The following NUP210 variants were observed in gnomAD, a reference collection of about 807,000 sequenced individuals.
NUP210 encodes nuclear pore membrane glycoprotein 210.
NUP210 carries 151 observed loss-of-function variants against 196.0 expected under a neutral mutation model. The ratio of observed to expected loss-of-function variants is 0.77; its 90% CI spans 0.67 to 0.88. NUP210 has a LOEUF of 0.88. Ranked by LOEUF, NUP210 falls within the 40% of genes least tolerant of loss-of-function variation. The pLI is 0.00. For missense variants in NUP210, 2,314 were observed against 2,493.7 expected (o/e 0.93, Z 1.53); for synonymous variants, 1,070 against 1,052.7 (o/e 1.02, Z -0.32).
intron 11 of NUP210, among the ~76,000 whole-genome samples, chr3:13,375,142 CTT>C (rs76945178): frequency 1.4e-5 from 2 of 138,436 alleles, no homozygotes; most frequent in Admixed American, 7.3e-5. Context: ...TATTTTTTCT[CTT>C]TTTTTTTTTT....
chr3:13,396,302 G>T (rs1699651920), intron 3 of NUP210, among the ~76,000 whole-genome samples: 1 of 152,130 alleles, frequency 6.6e-6, no homozygotes, highest in South Asian at 2.1e-4. Flanking sequence ...TCCTGATCCA[G>T]AAATTTTTTT....
At chr3:13,358,119 G>T in intron 16 of NUP210, 103 bp downstream of exon 16, 2 of 1,031,660 alleles carry the variant, frequency 1.9e-6, no homozygotes, top group Non-Finnish European at 1.4e-6. Context: ...GCAGCGTGGA[G>T]CTATGTCCGT....
chr3:13,373,748 C>T lies in NUP210; in HGVS notation c.1557G>A (p.Val519=), dbSNP rs1309553499. ...IGFSVIQAHD[V]QNPLHFGEMK... ...TCTCACCGAAATGGAGTGGGTTCTG[C>T]ACATCATGTGCCTGGATCACACTGA... Residue 519 remains valine (V), a synonymous_variant, in exon 12 of 40, where the codon GTG becomes GTA. Coordinates refer to ENST00000254508, the MANE Select transcript of NUP210 (RefSeq NM_024923.4). 1 of 1,614,060 alleles carries T rather than the reference C, an allele frequency of 6.2e-7. No individual in the cohort carries two copies. The highest frequency in any genetic ancestry group is 1.3e-5 in the African/African-American group (1 of 74,922).
intron 39 of NUP210, 151 bp from the exon 40 acceptor site, chr3:13,317,932 C>T (rs1696339568): frequency 4.9e-6 from 3 of 612,842 alleles, no homozygotes; most frequent in South Asian, 3.9e-5. Context: ...GGGAAGTCCA[C>T]GGGCACCTGC....
chr3:13,365,828 G>C (rs921071722), intron 14 of NUP210, 118 bp downstream of exon 14: 5 of 1,143,974 alleles, frequency 4.4e-6, no homozygotes, highest in Non-Finnish European at 1.3e-6. Flanking sequence ...AGGAAGCTGT[G>C]CCAAAAGCTA....
chr3:13,336,993 C>T, intron 26 of NUP210, 75 bp from the exon 27 acceptor site: 2 of 1,583,518 alleles, frequency 1.3e-6, no homozygotes, highest in Non-Finnish European at 1.7e-6. Flanking sequence ...TTGCTGCCTC[C>T]TTCAAGCAGT....
At chr3:13,373,079 G>GCCC (rs1698786100) in intron 12 of NUP210, among the ~76,000 whole-genome samples, 1 of 152,182 alleles carries the variant, frequency 6.6e-6, no homozygotes, top group Non-Finnish European at 1.5e-5. Flanking sequence ...TACTGTAAGA[G>GCCC]CAGGCTGCAG....
At chr3:13,390,721 C>T (rs928939479) in intron 4 of NUP210, among the ~76,000 whole-genome samples, 6 of 152,354 alleles carry the variant, frequency 3.9e-5, no homozygotes, top group Non-Finnish European at 7.3e-5. Flanking sequence ...TGCGCAAGCT[C>T]ATGTGGCTGC....
rs1559309786 is a variant in NUP210, at chr3:13,330,459, C to A, written c.4110+1G>T. 1 of 1,613,810 alleles carries A rather than the reference C, an allele frequency of 6.2e-7. No homozygotes were observed. The highest frequency in any genetic ancestry group is 1.7e-5 in the Admixed American group (1 of 59,992). Reference sequence around the variant, plus strand: ...CAAAAAGGAGGAGAATGCAACCCTACCTTTACAGCAACAATGATGGTTTGG... The same window carrying A: ...CAAAAAGGAGGAGAATGCAACCCTAACTTTACAGCAACAATGATGGTTTGG... On this transcript the variant is annotated splice_donor_variant, in intron 30 of 39. Coordinates refer to ENST00000254508, the MANE Select transcript of NUP210 (RefSeq NM_024923.4). LOFTEE classifies it high-confidence loss of function.
intron 6 of NUP210, among the ~76,000 whole-genome samples, chr3:13,381,373 G>T (rs1699091858): frequency 6.6e-6 from 1 of 151,172 alleles, no homozygotes; most frequent in Non-Finnish European, 1.5e-5. Context: ...GGAGGATTTT[G>T]TGACAGACTC....
At chr3:13,335,263 A>G (rs947080981) in intron 28 of NUP210, among the ~76,000 whole-genome samples, 191 bp downstream of exon 28, 2 of 151,758 alleles carry the variant, frequency 1.3e-5, no homozygotes, top group African/African-American at 4.8e-5. Context: ...GCTTGGCCCC[A>G]CCTCTGGGCT....
At chr3:13,366,516 CTTTTTTT>C (rs58529748) in intron 13 of NUP210, among the ~76,000 whole-genome samples, 1 of 110,854 alleles carries the variant, frequency 9.0e-6, no homozygotes, top group Non-Finnish European at 1.8e-5. Flanking sequence ...TGATTTCTTT[CTTTTTTT>C]TTTTTTTTTT....
chr3:13,371,844 C>A lies in NUP210; in HGVS notation c.1776G>T (p.Gln592His). 3 of 1,606,728 alleles carry A rather than the reference C, an allele frequency of 1.9e-6. No homozygotes were observed. Among genetic ancestry groups the A allele is most frequent in the Non-Finnish European group, 8.5e-7 (1 of 1,177,234 alleles). ...GCAGCGCTGGTTTACCTGGGAGTGG[C>A]TGGAACACACCCTGGTTCTCCACCT... ...AVEVENQGVF[Q>H]PLPGRLPPGS... The change falls in exon 13 of 40, where the codon CAG becomes CAT. Residue 592 changes from glutamine (Q) to histidine (H), a missense_variant. Transcript: ENST00000254508.
At chr3:13,415,782 G>A (rs1441414385) in intron 1 of NUP210, among the ~76,000 whole-genome samples, 1 of 152,172 alleles carries the variant, frequency 6.6e-6, no homozygotes, top group East Asian at 1.9e-4. Context: ...CCGTCCCAGA[G>A]GCTCAGGGTC....
chr3:13,386,354 G>A lies in NUP210; in HGVS notation c.738C>T (p.Asn246=). Residue 246 remains asparagine (N), a synonymous_variant, in exon 6 of 40, where the codon AAC becomes AAT. Coordinates refer to ENST00000254508, the MANE Select transcript of NUP210 (RefSeq NM_024923.4). ...CCATCAGGTAGACGTCATAGGCCGG[G>A]TTCAGAAGGATGTTTTCCAAAATCA... ...RLLILENILL[N]PAYDVYLMVG... 3.1e-6 allele frequency: 5 copies of A among 1,614,182 alleles called. No homozygotes were observed. The highest frequency in any genetic ancestry group is 4.2e-6 in the Non-Finnish European group (5 of 1,180,034).
chr3:13,324,593 G>A (rs1308254750), intron 33 of NUP210, among the ~76,000 whole-genome samples: 1 of 152,040 alleles, frequency 6.6e-6, no homozygotes, highest in Non-Finnish European at 1.5e-5. Flanking sequence ...GAGCTCTGAT[G>A]TGCCTCCCTC....
intron 1 of NUP210, among the ~76,000 whole-genome samples, chr3:13,405,557 A>G (rs925920530): frequency 6.6e-6 from 1 of 152,128 alleles, no homozygotes; most frequent in African/African-American, 2.4e-5. Context: ...ATATATGCAT[A>G]TGAGCTATAT....
chr3:13,373,637 G>A (rs1007426394), intron 12 of NUP210, 81 bp downstream of exon 12: 8 of 1,453,148 alleles, frequency 5.5e-6, no homozygotes, highest in Non-Finnish European at 6.7e-6. Flanking sequence ...GTTTCTGAGT[G>A]AAGTCGAGGC....
intron 36 of NUP210, among the ~76,000 whole-genome samples, 187 bp downstream of exon 36, chr3:13,321,398 C>T (rs188297875): frequency 6.6e-6 from 1 of 152,314 alleles, no homozygotes; most frequent in Non-Finnish European, 1.5e-5. Flanking sequence ...AATACAATCA[C>T]GCAGCCTGAG....
Sources: gnomAD v4.1 joint callset for allele counts (sites outside exome capture counted in the v4.1 genomes callset) on GRCh38, gnomAD v4.1.1 for gene constraint, MANE v1.5 for transcripts, NCBI Gene and HGNC (gene_info 2026-07-23, HGNC 2026-07-21) for gene names.